GPC5: variants seen among roughly 807,000 people sequenced by gnomAD.
GPC5 encodes the protein glypican 5, also known as glypican-5.
GPC5 carries 47 observed loss-of-function variants against 53.9 expected under a neutral mutation model. The observed-to-expected ratio is 0.87, with a 90% CI of 0.69 to 1.11. The LOEUF is 1.11. GPC5 is among the 50% of genes most tolerant of loss of function. The pLI is 0.00. For synonymous variants in GPC5, 286 were observed against 263.3 expected (o/e 1.09, Z -0.84); for missense variants, 748 against 713.1 (o/e 1.05, Z -0.56).
chr13:92,168,472 A>C (rs977309797), intron 7 of GPC5, among the ~76,000 whole-genome samples: 1 of 152,164 alleles, frequency 6.6e-6, no homozygotes, highest in South Asian at 2.1e-4. Flanking sequence ...AATCTATAAG[A>C]AACTTAAATT....
chr13:91,408,791 A>G (rs1877513299), intron 1 of GPC5, among the ~76,000 whole-genome samples: 1 of 152,178 alleles, frequency 6.6e-6, no homozygotes, highest in Non-Finnish European at 1.5e-5. Context: ...TATAATAACC[A>G]AATCTATTTC....
chr13:92,512,902 T>G (rs1880626069), intron 7 of GPC5, among the ~76,000 whole-genome samples: 1 of 152,204 alleles, frequency 6.6e-6, no homozygotes, highest in Admixed American at 6.5e-5. Context: ...TTCCTGTCAT[T>G]AAAGTCTTCA....
intron 7 of GPC5, among the ~76,000 whole-genome samples, chr13:92,425,621 C>T (rs1876797345): frequency 6.6e-6 from 1 of 152,036 alleles, no homozygotes; most frequent in Admixed American, 6.6e-5. Context: ...CCTGTTCAAC[C>T]TTTGTAAGAG....
intron 7 of GPC5, among the ~76,000 whole-genome samples, chr13:92,284,783 T>C (rs2042941896): frequency 6.6e-6 from 1 of 152,130 alleles, no homozygotes; most frequent in African/African-American, 2.4e-5. Context: ...ACAATCAATA[T>C]CATACTGAAT....
intron 7 of GPC5, among the ~76,000 whole-genome samples, chr13:92,252,131 CTG>C (rs2042696709): frequency 6.6e-6 from 1 of 152,060 alleles, no homozygotes; most frequent in Admixed American, 6.6e-5. Context: ...GCACTCAAGA[CTG>C]AGAAAGCATT....
intron 2 of GPC5, among the ~76,000 whole-genome samples, chr13:91,511,151 A>T (rs1885211541): frequency 6.6e-6 from 1 of 152,162 alleles, no homozygotes; most frequent in African/African-American, 2.4e-5. Context: ...TTGATACAGA[A>T]TTCCAATATG....
intron 1 of GPC5, among the ~76,000 whole-genome samples, chr13:91,416,620 C>A (rs888558921): frequency 6.6e-6 from 1 of 152,048 alleles, no homozygotes; most frequent in Non-Finnish European, 1.5e-5. Context: ...CCTCCCACCC[C>A]CTGACAGGCC....
intron 2 of GPC5, among the ~76,000 whole-genome samples, chr13:91,587,435 C>CT (rs200436454): frequency 0.011 from 1,724 of 152,068 alleles, 24 homozygotes; most frequent in African/African-American, 0.04. Context: ...ATATAAAAAT[C>CT]TTTTTTAACT....
chr13:92,692,759 T>TTTTTTTTTTTTTTTTTTTTTGTTTTTTG lies in GPC5; in HGVS notation c.1562-173506_1562-173505insTTTGTTTTTTGTTTTTTTTTTTTTTTTT, dbSNP rs1566366407. ...AAGCCTCACCAATATCGGCTATTTT[T>TTTTTTTTTTTTTTTTTTTTTGTTTTTTG]TTTTTTTTTTTTTTTTTACATTTTA... On this transcript the variant is annotated intron_variant, in intron 7 of 7. Coordinates refer to ENST00000377067, the MANE Select transcript of GPC5 (RefSeq NM_004466.6). 1.4e-5 allele frequency among the ~76,000 whole-genome samples: 2 copies of TTTTTTTTTTTTTTTTTTTTTGTTTTTTG among 142,114 alleles called. 1 individual carries two copies. Among genetic ancestry groups the TTTTTTTTTTTTTTTTTTTTTGTTTTTTG allele is most frequent in the African/African-American group, 5.2e-5 (2 of 38,186 alleles). 93.2% of individuals were successfully genotyped at this position (142,114 alleles called of 152,430 possible). A position where few individuals can be genotyped will look rare whatever the true frequency, so the allele number is the denominator to read the frequency against.
chr13:91,620,351 G>A (rs1329973693), intron 2 of GPC5, among the ~76,000 whole-genome samples: 1 of 152,110 alleles, frequency 6.6e-6, no homozygotes, highest in African/African-American at 2.4e-5. Flanking sequence ...ATGAACATGA[G>A]TCTATGTGCT....
chr13:92,654,736 T>A (rs955158469), intron 7 of GPC5, among the ~76,000 whole-genome samples: 1 of 134,474 alleles, frequency 7.4e-6, no homozygotes, highest in Admixed American at 8.1e-5. Context: ...ACTCAACTCT[T>A]TTTACCTTGT....
chr13:91,929,607 T>G (rs979306567), intron 6 of GPC5, among the ~76,000 whole-genome samples: 2 of 152,148 alleles, frequency 1.3e-5, no homozygotes, highest in Non-Finnish European at 2.9e-5. Context: ...ATTTTTCACT[T>G]GATTTAATTT....
intron 5 of GPC5, among the ~76,000 whole-genome samples, chr13:91,767,731 C>T (rs968224087): frequency 2.0e-5 from 3 of 152,144 alleles, no homozygotes; most frequent in Non-Finnish European, 2.9e-5. Context: ...TTGTTACACG[C>T]GTCCAGAGGT....
chr13:91,824,392 C>G (rs904374553), intron 5 of GPC5, among the ~76,000 whole-genome samples: 1 of 151,964 alleles, frequency 6.6e-6, no homozygotes, highest in Non-Finnish European at 1.5e-5. Flanking sequence ...AAACCCCAGA[C>G]AGTGTTTTAA....
rs181475418 is a variant in GPC5, at chr13:91,800,379, A to G, written c.1280+43959A>G. Among the ~76,000 whole-genome samples the G allele has an allele frequency of 3.3e-5, 5 of 152,208 alleles. No individual in the cohort carries two copies. In the East Asian group the frequency reaches 9.7e-4, roughly 29 times the overall value. On this transcript the variant is annotated intron_variant, in intron 5 of 7. Coordinates refer to ENST00000377067, the MANE Select transcript of GPC5 (RefSeq NM_004466.6). ...TAGTTTTCCTATTGTGTCTTTCCAC[A>G]TAAAGAAACATGCACCAAAATCTGA...
intron 7 of GPC5, among the ~76,000 whole-genome samples, chr13:92,692,661 C>T (rs1352623341): frequency 1.3e-5 from 2 of 150,244 alleles, no homozygotes; most frequent in Non-Finnish European, 3.0e-5. Flanking sequence ...GCACATGTAC[C>T]CTAAAACTTA....
intron 1 of GPC5, among the ~76,000 whole-genome samples, chr13:91,419,729 A>C (rs1878476780): frequency 6.6e-6 from 1 of 152,206 alleles, no homozygotes; most frequent in African/African-American, 2.4e-5. Flanking sequence ...AAGACGTATT[A>C]GATTGAAATT....
Position 92,081,194 on chromosome 13 carries a change from C to T in GPC5, c.1402-63636C>T, listed in dbSNP as rs147848681. 2.0e-3 allele frequency among the ~76,000 whole-genome samples: 311 copies of T among 152,222 alleles called. 3 individuals are homozygous for T. The highest frequency in any genetic ancestry group is 7.0e-3 in the African/African-American group (291 of 41,552). On this transcript the variant is annotated intron_variant, in intron 6 of 7. Coordinates refer to ENST00000377067, the MANE Select transcript of GPC5 (RefSeq NM_004466.6). ...CACGATCACTGCAACTTCCGCCTCCCGGGTTCGAGTGATTCTCCCACCTCA... is the reference window on the plus strand; with the variant it reads ...CACGATCACTGCAACTTCCGCCTCCTGGGTTCGAGTGATTCTCCCACCTCA...
At chr13:92,177,093 C>G (rs1391609452) in intron 7 of GPC5, among the ~76,000 whole-genome samples, 1 of 152,116 alleles carries the variant, frequency 6.6e-6, no homozygotes, top group East Asian at 1.9e-4. Flanking sequence ...ATTTTGGATA[C>G]CCGTTGTTGT....
Sources: gnomAD v4.1 joint callset for allele counts (sites outside exome capture counted in the v4.1 genomes callset) on GRCh38, gnomAD v4.1.1 for gene constraint, MANE v1.5 for transcripts, NCBI Gene and HGNC (gene_info 2026-07-23, HGNC 2026-07-21) for gene names.